The following ITGB2 variants were observed in gnomAD, a reference collection of about 807,000 sequenced individuals.
The protein encoded by ITGB2 is integrin beta-2.
In ITGB2, 56 loss-of-function variants were observed where a neutral mutation model predicts 86.8. The ratio of observed to expected loss-of-function variants is 0.65; its 90% confidence interval spans 0.52 to 0.81. ITGB2 has a LOEUF of 0.81. Ranked by LOEUF, ITGB2 falls within the 30% of genes least tolerant of loss-of-function variation. The pLI is 0.00. For missense variants in ITGB2, 948 were observed against 1,061.2 expected (o/e 0.89, Z 1.48); for synonymous variants, 457 against 450.4 (o/e 1.01, Z -0.19).
In ITGB2 at chr21:44,894,969, A is replaced by T; in HGVS notation, c.1083+2T>A. 6.3e-7 allele frequency: 1 copy of T among 1,596,792 alleles called. No individual in the cohort carries two copies. Among genetic ancestry groups the T allele is most frequent in the Non-Finnish European group, 8.6e-7 (1 of 1,164,386 alleles). The stretch of plus-strand genomic sequence containing the variant: ...CCCAGCTGAGTGGTGCGGGAGACTC[A>T]CATTGTAAGCATTCTTAATGAGATG... On this transcript the variant is annotated splice_donor_variant, in intron 9 of 15. Coordinates refer to ENST00000652462, the MANE Select transcript of ITGB2 (RefSeq NM_000211.5). LOFTEE classifies it high-confidence loss of function.
chr21:44,910,487 G>C (rs1464207685), intron 2 of ITGB2, 115 bp from the exon 3 acceptor site: 1 of 1,570,534 alleles, frequency 6.4e-7, no homozygotes, highest in Admixed American at 1.9e-5. Flanking sequence ...GCAGCCTCCA[G>C]GAGGAGACCC....
Position 44,886,221 on chromosome 21 carries a change from C to T in ITGB2, c.*147G>A. The T allele has an allele frequency of 1.3e-6, 1 of 788,440 alleles. No individual in the cohort carries two copies. Among genetic ancestry groups the T allele is most frequent in the Non-Finnish European group, 2.2e-6 (1 of 454,402 alleles). The allele number at this position is 788,440 out of a possible 1,614,324, so 48.8% of individuals were successfully genotyped here. On this transcript the variant is annotated 3_prime_UTR_variant, in exon 16 of 16. Transcript: ENST00000652462. ...CCGACGAGCCCCCAGAAGCACCCGG[C>T]CGGCCATGGCTGTCATTTTGAGGGC...
At chr21:44,917,047 T>C (rs1464177539) in intron 1 of ITGB2, among the ~76,000 whole-genome samples, 1 of 152,082 alleles carries the variant, frequency 6.6e-6, no homozygotes, top group Non-Finnish European at 1.5e-5. Context: ...AGGTAAATAC[T>C]CCATTCAAGG....
intron 3 of ITGB2, chr21:44,908,324 T>A (rs73906942): frequency 0.057 from 26,813 of 469,632 alleles, 1,714 homozygotes; most frequent in African/African-American, 0.23. Context: ...AAGCAAAAAG[T>A]TGGAAAGAAA....
At chr21:44,911,954 A>G (rs1049670915) in intron 1 of ITGB2, among the ~76,000 whole-genome samples, 1 of 152,086 alleles carries the variant, frequency 6.6e-6, no homozygotes, top group Non-Finnish European at 1.5e-5. Flanking sequence ...CCAGGACCTG[A>G]GAACATTATA....
intron 3 of ITGB2, chr21:44,908,064 T>C (rs1184132315): frequency 1.4e-6 from 1 of 717,528 alleles, no homozygotes; most frequent in Non-Finnish European, 2.6e-6. Context: ...CTGACCAAGG[T>C]AGTTTCCACC....
intron 4 of ITGB2, among the ~76,000 whole-genome samples, chr21:44,904,387 C>G (rs1023367804): frequency 2.0e-5 from 3 of 151,688 alleles, no homozygotes; most frequent in South Asian, 2.1e-4. Flanking sequence ...TGCACACACA[C>G]AATACTCACA....
In ITGB2 at chr21:44,910,779, G is replaced by C. The variant is rs1461556269; in HGVS notation, c.4C>G (p.Leu2Val). 6.2e-7 allele frequency: 1 copy of C among 1,613,390 alleles called. No homozygotes were observed. Among genetic ancestry groups the C allele is most frequent in the South Asian group, 1.1e-5 (1 of 90,916 alleles). The change falls in exon 2 of 16, where the codon CTG becomes GTG. Residue 2 changes from leucine (L) to valine (V), a missense_variant. Coordinates refer to ENST00000652462, the MANE Select transcript of ITGB2 (RefSeq NM_000211.5). M[L>V]GLRPPLLALV... Reference sequence around the variant, plus strand: ...GCGAGCAGTGGGGGGCGCAGGCCCAGCATGTCCTGTGGAGGGAAGGGGTCT... The same window carrying C: ...GCGAGCAGTGGGGGGCGCAGGCCCACCATGTCCTGTGGAGGGAAGGGGTCT...
At chr21:44,910,173 C>G in intron 3 of ITGB2, 111 bp downstream of exon 3, 1 of 1,436,472 alleles carries the variant, frequency 7.0e-7, no homozygotes. Context: ...TGGGGACCCC[C>G]TCAAAAAGAA....
rs2083754362 is a variant in ITGB2, at chr21:44,889,531, G to A, written c.1658-36C>T. On this transcript the variant is annotated intron_variant, in intron 12 of 15. Transcript: ENST00000652462. ...GGGCAGCACGGCTAAGCTCCTGCTT[G>A]GCCTGGGAACCGAGACCCGCCCGAA... The A allele has an allele frequency of 3.9e-6, 6 of 1,524,358 alleles. No individual in the cohort carries two copies. The African/African-American group carries it at 4.1e-5, about 10-fold the overall frequency. The allele number at this position is 1,524,358 out of a possible 1,614,324, so 94.4% of individuals were successfully genotyped here. A position where few individuals can be genotyped will look rare whatever the true frequency, so the allele number is the denominator to read the frequency against.
At chr21:44,910,679 T>C (rs373887331) in intron 2 of ITGB2, 46 bp downstream of exon 2, 1 of 1,597,214 alleles carries the variant, frequency 6.3e-7, no homozygotes, top group Non-Finnish European at 8.6e-7. Flanking sequence ...TTCTCCCTGA[T>C]TGGAATGTCA....
intron 15 of ITGB2, 49 bp from the exon 16 acceptor site, chr21:44,886,479 G>A: frequency 1.3e-6 from 2 of 1,585,104 alleles, no homozygotes; most frequent in Non-Finnish European, 1.7e-6. Context: ...GGTTTTCAGA[G>A]CAGAATCTTT....
chr21:44,916,013 C>T (rs1304797580), intron 1 of ITGB2, among the ~76,000 whole-genome samples: 1 of 151,982 alleles, frequency 6.6e-6, no homozygotes, highest in Non-Finnish European at 1.5e-5. Context: ...ACCTCCGCCT[C>T]CCATGTTCAA....
At chr21:44,909,713 G>C (rs2084100011) in intron 3 of ITGB2, among the ~76,000 whole-genome samples, 1 of 152,198 alleles carries the variant, frequency 6.6e-6, no homozygotes, top group Non-Finnish European at 1.5e-5. Context: ...GTAGTGTGTA[G>C]GTTTGATGAT....
chr21:44,899,203 G>A, intron 7 of ITGB2, 41 bp from the exon 8 acceptor site: 1 of 1,480,110 alleles, frequency 6.8e-7, no homozygotes, highest in Non-Finnish European at 9.4e-7. Context: ...CCGAGTCCAG[G>A]ACAAGGCTTC....
chr21:44,887,562 G>A (rs1415791992), intron 14 of ITGB2, among the ~76,000 whole-genome samples: 1 of 150,936 alleles, frequency 6.6e-6, no homozygotes, highest in Non-Finnish European at 1.5e-5. Flanking sequence ...CCCTGTGGTT[G>A]CTCCTGCCAT....
chr21:44,892,627 A>AAAAAAC (rs2083804114), intron 10 of ITGB2, among the ~76,000 whole-genome samples: 1 of 147,304 alleles, frequency 6.8e-6, no homozygotes, highest in Non-Finnish European at 1.5e-5. Context: ...AAAAAAAAAA[A>AAAAAAC]TCCACAGGCA....
In ITGB2 at chr21:44,890,054, CT is replaced by C; in HGVS notation, c.1580del (p.Lys527SerfsTer2). 6.2e-7 allele frequency: 1 copy of C among 1,613,584 alleles called. No homozygotes were observed. The highest frequency in any genetic ancestry group is 2.2e-5 in the East Asian group (1 of 44,878). ...ACTCGCAGTACTGCCCGTATATCAG[CT>C]TGCCGGGGACGTCGCTGGTGTGGCA... ...CLCHTSDVPG[K>X]LIYGQYCECD... On this transcript the variant is annotated frameshift_variant, in exon 12 of 16. Transcript: ENST00000652462. LOFTEE classifies it high-confidence loss of function.
intron 1 of ITGB2, among the ~76,000 whole-genome samples, chr21:44,913,643 C>T (rs984394153): frequency 3.3e-5 from 5 of 152,114 alleles, no homozygotes; most frequent in African/African-American, 1.2e-4. Flanking sequence ...GGATGAAGGT[C>T]CGCTCCAGGA....
Sources: gnomAD v4.1 joint callset for allele counts (sites outside exome capture counted in the v4.1 genomes callset) on GRCh38, gnomAD v4.1.1 for gene constraint, MANE v1.5 for transcripts, NCBI Gene and HGNC (gene_info 2026-07-23, HGNC 2026-07-21) for gene names.